Variants in SORCS3 observed in about 807,000 individuals in gnomAD.
SORCS3 encodes the protein VPS10 domain-containing receptor SorCS3.
A neutral mutation model predicts 146.3 loss-of-function variants in SORCS3; 57 were observed. The ratio of observed to expected loss-of-function variants is 0.39; its 90% CI spans 0.31 to 0.49. The LOEUF (loss-of-function observed/expected upper bound fraction) is 0.49, where lower values mean the gene tolerates loss of function less well. SORCS3 is among the 20% of genes least tolerant of loss of function. The pLI is 0.92. For missense variants in SORCS3, 1,341 were observed against 1,575.5 expected, an observed-to-expected ratio of 0.85 and a Z score of 2.52; for synonymous variants, 653 against 618.5, an observed-to-expected ratio of 1.06 and a Z score of -0.83.
intron 3 of SORCS3, among the ~76,000 whole-genome samples, chr10:104,927,929 C>T (rs1463345429): frequency 6.6e-6 from 1 of 151,302 alleles, no homozygotes; most frequent in African/African-American, 2.4e-5. Flanking sequence ...GTGAATGCAG[C>T]ACCAAGCTTG....
intron 4 of SORCS3, among the ~76,000 whole-genome samples, chr10:105,024,206 A>G (rs979919967): frequency 6.6e-6 from 1 of 152,244 alleles, no homozygotes; most frequent in Non-Finnish European, 1.5e-5. Context: ...ATATTCAATA[A>G]CACAAAAGTA....
intron 1 of SORCS3, among the ~76,000 whole-genome samples, chr10:104,768,802 C>T (rs2017212787): frequency 6.6e-6 from 1 of 152,168 alleles, no homozygotes; most frequent in Non-Finnish European, 1.5e-5. Flanking sequence ...AGAGACACTC[C>T]TCCTCCTGAA....
chr10:105,119,855 A>C (rs1315468445), intron 7 of SORCS3, among the ~76,000 whole-genome samples: 1 of 152,190 alleles, frequency 6.6e-6, no homozygotes, highest in Non-Finnish European at 1.5e-5. Context: ...TATAGGTAGA[A>C]GGGACTTGCC....
intron 1 of SORCS3, among the ~76,000 whole-genome samples, chr10:104,777,476 C>T (rs2017323182): frequency 6.6e-6 from 1 of 152,194 alleles, no homozygotes; most frequent in Non-Finnish European, 1.5e-5. Flanking sequence ...CTGCAGCAGG[C>T]AATGCCTTTG....
intron 1 of SORCS3, among the ~76,000 whole-genome samples, chr10:104,719,763 T>G (rs1362440540): frequency 1.3e-5 from 2 of 152,256 alleles, no homozygotes; most frequent in African/African-American, 4.8e-5. Flanking sequence ...TCTCTTCATG[T>G]GACGGTAATT....
intron 1 of SORCS3, among the ~76,000 whole-genome samples, chr10:104,778,934 G>A (rs2017342470): frequency 1.3e-5 from 2 of 152,286 alleles, no homozygotes; most frequent in African/African-American, 2.4e-5. Flanking sequence ...AAGGGACTTT[G>A]CATACATGAT....
At chr10:104,816,434 A>G (rs1274473595) in intron 1 of SORCS3, among the ~76,000 whole-genome samples, 3 of 152,198 alleles carry the variant, frequency 2.0e-5, no homozygotes, top group African/African-American at 7.2e-5. Context: ...GGTGGGTCTT[A>G]GACTAACCAT....
At chr10:104,801,735 T>C (rs925526755) in intron 1 of SORCS3, among the ~76,000 whole-genome samples, 1 of 152,182 alleles carries the variant, frequency 6.6e-6, no homozygotes, top group Non-Finnish European at 1.5e-5. Context: ...AACTGAAGCA[T>C]TGAGGGATGC....
rs117465065 is a variant in SORCS3 at position 105,147,712 on chromosome 10, G to A, written c.1398G>A (p.Thr466=). 13,945 of 1,613,040 alleles carry A rather than the reference G, an allele frequency of 8.6e-3. 77 individuals carry two copies. Among genetic ancestry groups the A allele is most frequent in the Non-Finnish European group, 0.01 (12,346 of 1,179,290 alleles). ...CGTACAACCTCTACATCTCAGACACGCGTGGGATTTACTTCACTCTGGCCA... is the reference window on the plus strand; with the variant it reads ...CGTACAACCTCTACATCTCAGACACACGTGGGATTTACTTCACTCTGGCCA... The part of the protein sequence containing the change: ...NDTYNLYISD[T]RGIYFTLAME... Residue 466 remains threonine (T), a synonymous_variant, in exon 9 of 27, where the codon ACG becomes ACA. Transcript: ENST00000369701.
chr10:104,641,439 G>T lies in SORCS3; in HGVS notation c.112G>T (p.Asp38Tyr). 6.8e-7 allele frequency: 1 copy of T among 1,471,076 alleles called. No individual in the cohort carries two copies. The allele number at this position is 1,471,076 out of a possible 1,614,324, so 91.1% of individuals were successfully genotyped here. A position where few individuals can be genotyped will look rare whatever the true frequency, so the allele number is the denominator to read the frequency against. The change falls in exon 1 of 27, where the codon GAC (aspartate) becomes TAC (tyrosine). Residue 38 changes from aspartate (D) to tyrosine (Y), a missense_variant. Coordinates refer to ENST00000369701, the MANE Select transcript of SORCS3 (RefSeq NM_014978.3). This position sits in a 1 kb window ranked among gnomAD's most constrained non-coding sequence, Gnocchi z 6.4. The stretch of plus-strand genomic sequence containing the variant: ...CCTGGCCGGCGCCGAGATCACTTGG[G>T]ACGCGACAGGCGGTCCCGGACGCCC... ...WVLAGAEITWDATGGPGRPAA... is the reference protein window; with the variant it reads ...WVLAGAEITWYATGGPGRPAA...
Position 105,216,934 on chromosome 10 carries a change from A to G in SORCS3, c.2548-2A>G. The G allele has an allele frequency of 6.2e-7, 1 of 1,614,172 alleles. No homozygotes were observed. The highest frequency in any genetic ancestry group is 8.5e-7 in the Non-Finnish European group (1 of 1,180,010). On this transcript the variant is annotated splice_acceptor_variant, in intron 18 of 26. Coordinates refer to ENST00000369701, the MANE Select transcript of SORCS3 (RefSeq NM_014978.3). LOFTEE classifies it high-confidence loss of function. ...TGACCCGTCTGCTATGCCATCTTGC[A>G]GGGTGATCTACAAAGGACAAACATC...
intron 2 of SORCS3, among the ~76,000 whole-genome samples, chr10:104,843,547 C>G (rs796375038): frequency 9.2e-5 from 14 of 152,276 alleles, no homozygotes; most frequent in African/African-American, 3.4e-4. Context: ...GCTGCTGTAC[C>G]TCTTGTGCCT....
chr10:105,213,990 G>T (rs141884622), intron 17 of SORCS3, among the ~76,000 whole-genome samples: 217 of 152,292 alleles, frequency 1.4e-3, no homozygotes, highest in Middle Eastern at 0.01. Context: ...ATCAGAGTTA[G>T]AAAAAGTCTG....
chr10:104,770,868 A>G (rs2017240646), intron 1 of SORCS3, among the ~76,000 whole-genome samples: 1 of 152,190 alleles, frequency 6.6e-6, no homozygotes, highest in South Asian at 2.1e-4. Flanking sequence ...AAAACAGTTG[A>G]AATTATTTTT....
chr10:105,060,032 C>T (rs1006256485), intron 5 of SORCS3, among the ~76,000 whole-genome samples: 5 of 152,188 alleles, frequency 3.3e-5, no homozygotes, highest in African/African-American at 1.2e-4. Flanking sequence ...GTTGAGACAA[C>T]TGGACAAATG....
chr10:105,220,081 T>C (rs1589694344), intron 19 of SORCS3, among the ~76,000 whole-genome samples: 1 of 152,266 alleles, frequency 6.6e-6, no homozygotes, highest in East Asian at 1.9e-4. Flanking sequence ...GATTATTAGA[T>C]TTTTATCAAA....
chr10:104,950,041 T>C (rs1452419265), intron 3 of SORCS3, among the ~76,000 whole-genome samples: 1 of 152,228 alleles, frequency 6.6e-6, no homozygotes, highest in African/African-American at 2.4e-5. Flanking sequence ...AGCATTGATC[T>C]GAGATGCAGA....
chr10:105,087,413 A>C (rs1220628099), intron 5 of SORCS3, among the ~76,000 whole-genome samples: 1 of 152,092 alleles, frequency 6.6e-6, no homozygotes, highest in Non-Finnish European at 1.5e-5. Flanking sequence ...TAAAGTAAAA[A>C]TTCTAAAAAT....
At chr10:104,928,074 T>G (rs1589552729) in intron 3 of SORCS3, among the ~76,000 whole-genome samples, 1 of 152,014 alleles carries the variant, frequency 6.6e-6, no homozygotes, top group Non-Finnish European at 1.5e-5. Flanking sequence ...AATGAGAGTA[T>G]AGAGGTTTTA....
Sources: allele counts gnomAD v4.1 joint callset (sites outside exome capture counted in the v4.1 genomes callset), GRCh38; gene constraint gnomAD v4.1.1; non-coding constraint Gnocchi (gnomAD v3.1); transcripts MANE v1.5; gene names NCBI Gene and HGNC (gene_info 2026-07-23, HGNC 2026-07-21).